The following HLA-DQB1 variants were observed in gnomAD, a reference collection of about 807,000 sequenced individuals.
HLA-DQB1 encodes HLA class II histocompatibility antigen, DQ beta 1 chain.
In HLA-DQB1, 13 loss-of-function variants were observed where a neutral mutation model predicts 26.4. That is an observed-to-expected ratio of 0.49 (90% CI 0.32 to 0.78). The LOEUF is 0.78. Ranked by LOEUF, HLA-DQB1 falls within the 30% of genes least tolerant of loss-of-function variation. The probability of loss-of-function intolerance (pLI) is 0.03; values close to 1 mark genes in which losing one functional copy is unlikely to be tolerated. For missense variants in HLA-DQB1, 158 were observed against 326.2 expected, an observed-to-expected ratio of 0.48 and a Z score of 3.97; for synonymous variants, 60 against 129.1, an observed-to-expected ratio of 0.46 and a Z score of 3.63.
At chr6:32,661,199 CAGATTCCAA>C in intron 4 of HLA-DQB1, 139 bp downstream of exon 4, 1 of 476,402 alleles carries the variant, frequency 2.1e-6, no homozygotes, top group Non-Finnish European at 3.6e-6. Context: ...CCAGTAAAAT[CAGATTCCAA>C]TGCCTCCTCC....
chr6:32,660,020 G>A (rs1782829795), exon 5 of HLA-DQB1: 1 of 324,344 alleles, frequency 3.1e-6, no homozygotes, highest in Non-Finnish European at 5.7e-6. Flanking sequence ...AGCTGGCCAT[G>A]CACAGGCAGA....
chr6:32,665,354 C>G (rs9274436), intron 1 of HLA-DQB1, among the ~76,000 whole-genome samples: 96,870 of 131,558 alleles, frequency 0.74, 38,125 homozygotes, highest in East Asian at 0.89. Context: ...ATTTTACATG[C>G]ACCTCTGCAC....
At chr6:32,666,132 A>T (rs9274496) in intron 1 of HLA-DQB1, among the ~76,000 whole-genome samples, 102,245 of 135,604 alleles carry the variant, frequency 0.75, 39,194 homozygotes, top group East Asian at 0.91. Flanking sequence ...TCATAATCCT[A>T]AGTCCAGGCA....
intron 4 of HLA-DQB1, chr6:32,660,827 C>A: frequency 7.8e-7 from 1 of 1,283,108 alleles, no homozygotes; most frequent in Non-Finnish European, 1.1e-6. Flanking sequence ...ATACCTGTGC[C>A]TCCCCACACT....
In HLA-DQB1 at chr6:32,661,986, G is replaced by T. The variant is rs281864131; in HGVS notation, c.642C>A (p.Ser214Arg). 5.8e-5 allele frequency: 90 copies of T among 1,554,572 alleles called. 2 individuals carry two copies. The South Asian group carries it at 8.6e-4, about 15-fold the overall frequency. ...CCTTACGCCACTCCACGGTGATGGG[G>T]CTCTGGAGGCTGGGGTGCTCCACGT... Residue 214 changes from serine to arginine, a missense_variant, in exon 3 of 5, where the codon AGC (serine) becomes AGA (arginine). Physicochemically the swap from Ser to Arg is moderately radical, Grantham distance 110. Transcript: ENST00000434651.
intron 4 of HLA-DQB1, among the ~76,000 whole-genome samples, 157 bp downstream of exon 4, chr6:32,661,190 C>T (rs9273559): frequency 0.29 from 30,488 of 103,546 alleles, 8,854 homozygotes; most frequent in Middle Eastern, 0.43. Flanking sequence ...ACCTTTCAAC[C>T]AGTAAAATCA....
In HLA-DQB1 at chr6:32,664,944, A is replaced by AC; in HGVS notation, c.232dup (p.Val78GlyfsTer12). 7.9e-7 allele frequency: 1 copy of AC among 1,267,868 alleles called. No homozygotes were observed. The highest frequency in any genetic ancestry group is 1.1e-6 in the Non-Finnish European group (1 of 892,786). The allele number at this position is 1,267,868 out of a possible 1,614,324, so 78.5% of individuals were successfully genotyped here. A position where few individuals can be genotyped will look rare whatever the true frequency, so the allele number is the denominator to read the frequency against. ...CCCCTGCGGCGTCACCGCGCGGTAC[A>AC]CCCCCACGTCGCTGTCGAAGCGCGC... On this transcript the variant is annotated frameshift_variant, in exon 2 of 5. Transcript: ENST00000434651. LOFTEE classifies it high-confidence loss of function.
At chr6:32,666,547 T>A (rs368832944) in exon 1 of HLA-DQB1, 2 of 1,199,652 alleles carry the variant, frequency 1.7e-6, no homozygotes, top group South Asian at 2.7e-5. Context: ...ATCGCCAGCA[T>A]CAAGGTGACA....
At position 32,665,321 on chromosome 6, in the gene HLA-DQB1, C is replaced by T. The variant is rs144101223; in HGVS notation, c.110-254G>A. ...CCTGTCCCTGCCTGAGCCTGTGAAC[C>T]CAGCGAAGAGGCAGTCGGGCTGATT... is the stretch of plus-strand genomic sequence containing the variant. On this transcript the variant is annotated intron_variant, in intron 1 of 4. Transcript: ENST00000434651. Among the ~76,000 whole-genome samples the T allele has an allele frequency of 0.016, 2,204 of 139,342 alleles. 223 individuals are homozygous for T. The South Asian group carries it at 0.17, about 11-fold the overall frequency. 91.4% of individuals were successfully genotyped at this position (139,342 alleles called of 152,430 possible).
At chr6:32,660,688 G>T in intron 4 of HLA-DQB1, 1 of 445,462 alleles carries the variant, frequency 2.2e-6, no homozygotes, top group South Asian at 2.7e-5. Context: ...CTTGGTTCTG[G>T]GGAACAATGT....
intron 4 of HLA-DQB1, 109 bp downstream of exon 4, chr6:32,661,238 G>C (rs281864341): frequency 0.096 from 41,033 of 425,522 alleles, 7,667 homozygotes; most frequent in East Asian, 0.43. Flanking sequence ...CTGTCTCCTC[G>C]CACTTCTTCT....
exon 4 of HLA-DQB1, chr6:32,661,384 A>T (rs1130430): frequency 8.5e-7 from 1 of 1,172,908 alleles, no homozygotes; most frequent in South Asian, 1.3e-5. Flanking sequence ...GGCCCAGCCC[A>T]AGGAAGATCA....
chr6:32,665,832 T>TGA (rs1784032346), intron 1 of HLA-DQB1, among the ~76,000 whole-genome samples: 1 of 31,354 alleles, frequency 3.2e-5, no homozygotes. Flanking sequence ...AGTATTGTTC[T>TGA]GTCTGAAGTG....
At position 32,665,170 on chromosome 6, in the gene HLA-DQB1, A is replaced by G. The variant is rs281861967; in HGVS notation, c.110-103T>C. 11 of 704,572 alleles carry G rather than the reference A, an allele frequency of 1.6e-5. 2 individuals carry two copies. Among genetic ancestry groups the G allele is most frequent in the African/African-American group, 2.0e-5 (1 of 50,620 alleles). The allele number at this position is 704,572 out of a possible 1,614,324, so 43.6% of individuals were successfully genotyped here. Reference sequence around the variant, plus strand: ...CTGTGGAACCGCCCGCGCGACCTCCAGTTCCCGCCCGCCCGTGCCTGGCGC... The same window carrying G: ...CTGTGGAACCGCCCGCGCGACCTCCGGTTCCCGCCCGCCCGTGCCTGGCGC... On this transcript the variant is annotated intron_variant, in intron 1 of 4. Coordinates refer to ENST00000434651, the Ensembl canonical transcript of HLA-DQB1.
At chr6:32,660,466 G>C in intron 4 of HLA-DQB1, 1 of 358,362 alleles carries the variant, frequency 2.8e-6, no homozygotes, top group South Asian at 4.5e-5. Context: ...GGGAACAGCT[G>C]TTATTCTTCT....
exon 1 of HLA-DQB1, chr6:32,666,524 T>C (rs1130373): frequency 5.7e-6 from 5 of 876,396 alleles, no homozygotes; most frequent in East Asian, 6.4e-5. Flanking sequence ...CCTCAGCCAG[T>C]AGGGAGCTCA....
chr6:32,659,943 A>T (rs970389732), exon 5 of HLA-DQB1: 2 of 222,698 alleles, frequency 9.0e-6, no homozygotes, highest in Admixed American at 1.2e-4. Context: ...AATGTTTTTC[A>T]TGTGCTTCTC....
chr6:32,661,002 G>T (rs9273539), intron 4 of HLA-DQB1: 83,960 of 597,872 alleles, frequency 0.14, 7,870 homozygotes, highest in South Asian at 0.2. Flanking sequence ...GTTCTTCCAG[G>T]CCTTCAGCAC....
chr6:32,665,045 CT>C lies in HLA-DQB1; in HGVS notation c.131del (p.Lys44ArgfsTer16). 1 of 1,391,514 alleles carries C rather than the reference CT, an allele frequency of 7.2e-7. No homozygotes were observed. The allele number at this position is 1,391,514 out of a possible 1,614,324, so 86.2% of individuals were successfully genotyped here. On this transcript the variant is annotated frameshift_variant, in exon 2 of 5. Coordinates refer to ENST00000434651, the Ensembl canonical transcript of HLA-DQB1. LOFTEE classifies it high-confidence loss of function. ...TCCCGTTGGTGAAGTAGCACATGCC[CT>C]TAAACTGGAACACGAAATCCTCTGC...
Sources: gnomAD v4.1 joint callset for allele counts (sites outside exome capture counted in the v4.1 genomes callset) on GRCh38, gnomAD v4.1.1 for gene constraint, MANE v1.5 for transcripts, NCBI Gene and HGNC (gene_info 2026-07-23, HGNC 2026-07-21) for gene names.